Variants in CSF3R observed in about 807,000 individuals in gnomAD.
The protein encoded by CSF3R is granulocyte colony-stimulating factor receptor.
A neutral mutation model predicts 84.4 loss-of-function variants in CSF3R; 52 were observed. The observed-to-expected ratio is 0.62, with a 90% CI of 0.49 to 0.78. The LOEUF (loss-of-function observed/expected upper bound fraction) is 0.78, where lower values mean the gene tolerates loss of function less well. Ranked by LOEUF, CSF3R falls within the 30% of genes least tolerant of loss-of-function variation. The pLI is 0.00. For synonymous variants in CSF3R, 384 were observed against 429.1 expected, an observed-to-expected ratio of 0.89 and a Z score of 1.30; for missense variants, 890 against 1,055.7, an observed-to-expected ratio of 0.84 and a Z score of 2.17.
intron 12 of CSF3R, 49 bp from the exon 13 acceptor site, chr1:36,468,270 G>C: frequency 6.6e-7 from 1 of 1,521,050 alleles, no homozygotes. Context: ...GGCAGAGCAA[G>C]AGCCCGGTTG....
intron 3 of CSF3R, 76 bp downstream of exon 3, chr1:36,479,357 C>G: frequency 7.3e-7 from 1 of 1,369,218 alleles, no homozygotes; most frequent in Non-Finnish European, 1.0e-6. Context: ...AGCCATGTGG[C>G]AGTGCAAGGA....
In CSF3R at chr1:36,475,620, C is replaced by T. The variant is rs754120929; in HGVS notation, c.118G>A (p.Asp40Asn). Residue 40 changes from aspartate (D) to asparagine (N), a missense_variant, in exon 4 of 17, where the codon GAT (aspartate) becomes AAT (asparagine). Physicochemically the swap from Asp to Asn is conservative, Grantham distance 23. Transcript: ENST00000373106. ...ATGATGCAGGAGGCTGTGATGGGAT[C>T]CCCCAGGTGGACGATGGGGGCTGAG... The part of the protein sequence containing the change: ...SVSAPIVHLG[D>N]PITASCIIKQ... The T allele has an allele frequency of 1.2e-6, 2 of 1,607,108 alleles. No homozygotes were observed. The highest frequency in any genetic ancestry group is 2.2e-5 in the East Asian group (1 of 44,656).
chr1:36,467,343 G>T lies in CSF3R; in HGVS notation c.1959-32C>A, dbSNP rs1650390191. The T allele has an allele frequency of 1.2e-6, 2 of 1,604,074 alleles. No homozygotes were observed. Among genetic ancestry groups the T allele is most frequent in the African/African-American group, 2.7e-5 (2 of 74,742 alleles). On this transcript the variant is annotated intron_variant, in intron 15 of 16. Transcript: ENST00000373106. This position sits in a 1 kb window ranked among gnomAD's most constrained non-coding sequence, Gnocchi z 4.1. ...AAGGGGGCAGGTGGAGGCTGAGTCA[G>T]ACACACCCTCCGATCTTTCCATTTT... is the stretch of plus-strand genomic sequence containing the variant.
In CSF3R at chr1:36,473,744, AG is replaced by A; in HGVS notation, c.485+19del. On this transcript the variant is annotated intron_variant, in intron 5 of 16. Transcript: ENST00000373106. ...CCCAGAATCCAAAGGGAGGGGACCA[AG>A]GTGGGGGCCCCTCCTCACTTGAAAC... is the stretch of plus-strand genomic sequence containing the variant. 6.2e-7 allele frequency: 1 copy of A among 1,614,214 alleles called. No homozygotes were observed. The highest frequency in any genetic ancestry group is 8.5e-7 in the Non-Finnish European group (1 of 1,180,030).
chr1:36,480,947 G>C (rs187164088), intron 2 of CSF3R, among the ~76,000 whole-genome samples: 25 of 152,284 alleles, frequency 1.6e-4, no homozygotes, highest in Non-Finnish European at 3.1e-4. Context: ...CCTGGATTTC[G>C]GCTCCAGTTA....
In CSF3R at chr1:36,467,242, T is replaced by G. The variant is rs753754590; in HGVS notation, c.2028A>C (p.Thr676=). The G allele has an allele frequency of 1.2e-6, 2 of 1,614,164 alleles. No homozygotes were observed. The highest frequency in any genetic ancestry group is 1.7e-6 in the Non-Finnish European group (2 of 1,179,986). ...CCTGGATTCTCACCTCCTCCATGATTGTGGGCACCCAGGAGCCCAGGCTGC... is the reference window on the plus strand; with the variant it reads ...CCTGGATTCTCACCTCCTCCATGATGGTGGGCACCCAGGAGCCCAGGCTGC... ...AHSSLGSWVP[T]IMEEDAFQLP... The change falls in exon 16 of 17, where the codon ACA becomes ACC. Residue 676 remains threonine (T), a synonymous_variant. Coordinates refer to ENST00000373106, the MANE Select transcript of CSF3R (RefSeq NM_000760.4). This position sits in a 1 kb window ranked among gnomAD's most constrained non-coding sequence, Gnocchi z 4.1.
Position 36,469,802 on chromosome 1 carries a change from G to C in CSF3R, c.1324C>G (p.Pro442Ala), listed in dbSNP as rs1260196968. Residue 442 changes from proline to alanine, a missense_variant, in exon 11 of 17, where the codon CCT (proline) becomes GCT (alanine). Physicochemically the swap from Pro to Ala is conservative, Grantham distance 27. Coordinates refer to ENST00000373106, the MANE Select transcript of CSF3R (RefSeq NM_000760.4). ...LTRLHAMARD[P>A]HSLWVGWEPP... ...TCCCAGCCTACCCAGAGGCTGTGAG[G>C]GTCTCGGGCCATGGCATGGAGTCTG... The C allele has an allele frequency of 1.9e-6, 3 of 1,614,014 alleles. No homozygotes were observed. The highest frequency in any genetic ancestry group is 2.5e-6 in the Non-Finnish European group (3 of 1,180,050).
chr1:36,474,134 A>G (rs1650966926), intron 4 of CSF3R, among the ~76,000 whole-genome samples: 1 of 152,054 alleles, frequency 6.6e-6, no homozygotes, highest in East Asian at 1.9e-4. Flanking sequence ...AAGGCCCCCA[A>G]CTCTAGACCC....
chr1:36,469,871 A>C (rs771689884), intron 10 of CSF3R, 31 bp from the exon 11 acceptor site: 3 of 1,610,922 alleles, frequency 1.9e-6, no homozygotes, highest in Non-Finnish European at 2.5e-6. Context: ...GGTGGAATGA[A>C]GGTGAAAAGA....
Position 36,471,432 on chromosome 1 carries a change from C to CAA in CSF3R, c.1285_1285+1insTT (p.Gly429ValfsTer5). 1 of 1,613,870 alleles carries CAA rather than the reference C, an allele frequency of 6.2e-7. No homozygotes were observed. Among genetic ancestry groups the CAA allele is most frequent in the Non-Finnish European group, 8.5e-7 (1 of 1,179,782 alleles). ...CTCTTCTGGCTGCCAGCCCCCTTTA[C>CAA]CTCTGCTTTCTGAGAAGACCACCGG... On this transcript the variant is annotated frameshift_variant and splice_region_variant. Coordinates refer to ENST00000373106, the MANE Select transcript of CSF3R (RefSeq NM_000760.4). LOFTEE classifies it high-confidence loss of function.
In CSF3R at chr1:36,467,186, G is replaced by A; in HGVS notation, c.2040+44C>T. On this transcript the variant is annotated intron_variant, in intron 16 of 16. Transcript: ENST00000373106. This position sits in a 1 kb window ranked among gnomAD's most constrained non-coding sequence, Gnocchi z 4.1. ...GAAGGTGTCCCTTCACTGAGCCTGG[G>A]CCGACATCCCCATCTCATTTCCCTC... 6.3e-7 allele frequency: 1 copy of A among 1,596,210 alleles called. No individual in the cohort carries two copies. The highest frequency in any genetic ancestry group is 8.6e-7 in the Non-Finnish European group (1 of 1,163,650).
At chr1:36,475,762 GC>G in intron 3 of CSF3R, 89 bp from the exon 4 acceptor site, 1 of 1,312,254 alleles carries the variant, frequency 7.6e-7, no homozygotes, top group South Asian at 1.5e-5. Flanking sequence ...AGACTCAGAG[GC>G]CTCACCTTCC....
chr1:36,480,130 C>G (rs1651427552), intron 2 of CSF3R: 1 of 177,922 alleles, frequency 5.6e-6, no homozygotes, highest in South Asian at 1.2e-4. Flanking sequence ...TCCTGCCCCC[C>G]ATTGGTCAAG....
chr1:36,469,223 G>C lies in CSF3R; in HGVS notation c.1509C>G (p.Ile503Met), dbSNP rs142503546. ...TGGTGTCCTGGTACAAGGGAGTCACGATGATCTCATAGAGCTGAAAGGGCC... is the reference window on the plus strand; with the variant it reads ...TGGTGTCCTGGTACAAGGGAGTCACCATGATCTCATAGAGCTGAAAGGGCC... ...NIRPFQLYEI[I>M]VTPLYQDTMG... The change falls in exon 12 of 17, where the codon ATC becomes ATG. Residue 503 changes from isoleucine to methionine, a missense_variant. Ile to Met is a conservative substitution (Grantham distance 10). Transcript: ENST00000373106. 1 of 1,614,098 alleles carries C rather than the reference G, an allele frequency of 6.2e-7. No homozygotes were observed. Among genetic ancestry groups the C allele is most frequent in the East Asian group, 2.2e-5 (1 of 44,874 alleles).
chr1:36,467,235 C>G lies in CSF3R; in HGVS notation c.2035G>C (p.Glu679Gln). ...TCTCCCTCCTGGATTCTCACCTCCTCCATGATTGTGGGCACCCAGGAGCCC... is the reference window on the plus strand; with the variant it reads ...TCTCCCTCCTGGATTCTCACCTCCTGCATGATTGTGGGCACCCAGGAGCCC... Reference protein sequence around the residue: ...SLGSWVPTIMEEDAFQLPGLG... With the variant: ...SLGSWVPTIMQEDAFQLPGLG... Residue 679 changes from glutamate (E) to glutamine (Q), a missense_variant, in exon 16 of 17, where the codon GAG becomes CAG. Physicochemically the swap from Glu to Gln is conservative, Grantham distance 29. Coordinates refer to ENST00000373106, the MANE Select transcript of CSF3R (RefSeq NM_000760.4). This position sits in a 1 kb window ranked among gnomAD's most constrained non-coding sequence, Gnocchi z 4.1. The G allele has an allele frequency of 6.2e-7, 1 of 1,614,166 alleles. No homozygotes were observed. Among genetic ancestry groups the G allele is most frequent in the Non-Finnish European group, 8.5e-7 (1 of 1,179,982 alleles).
chr1:36,470,671 G>T (rs1313424629), intron 10 of CSF3R, among the ~76,000 whole-genome samples: 8 of 152,224 alleles, frequency 5.3e-5, no homozygotes, highest in African/African-American at 9.7e-5. Flanking sequence ...GTCCCACCTT[G>T]CGAGGACCAA....
chr1:36,476,364 T>C (rs1221552236), intron 3 of CSF3R: 1 of 152,266 alleles, frequency 6.6e-6, no homozygotes, highest in African/African-American at 2.4e-5. Flanking sequence ...ATAAAAATCG[T>C]CCCTACCTTA....
At chr1:36,483,255 T>G (rs1651644437), upstream of CSF3R, 1 of 152,266 alleles carries the variant, frequency 6.6e-6, no homozygotes, top group Admixed American at 6.5e-5. Context: ...GCTGGAAGGC[T>G]CACCCGGCCC....
chr1:36,471,962 TC>T, intron 9 of CSF3R, 103 bp downstream of exon 9: 1 of 1,158,988 alleles, frequency 8.6e-7, no homozygotes, highest in Non-Finnish European at 1.3e-6. Flanking sequence ...TATAAATGCG[TC>T]CACGCCTCCC....
Sources: allele counts gnomAD v4.1 joint callset (sites outside exome capture counted in the v4.1 genomes callset), GRCh38; gene constraint gnomAD v4.1.1; non-coding constraint Gnocchi (gnomAD v3.1); transcripts MANE v1.5; gene names NCBI Gene and HGNC (gene_info 2026-07-23, HGNC 2026-07-21).